The following SHROOM4 variants were observed in gnomAD, a reference collection of about 807,000 sequenced individuals.
SHROOM4 encodes the protein shroom family member 4.
In SHROOM4, 17 loss-of-function variants were observed where a neutral mutation model predicts 80.3. The observed-to-expected ratio is 0.21, with a 90% CI of 0.14 to 0.32. SHROOM4 has a LOEUF of 0.32. Ranked by LOEUF, SHROOM4 falls within the 10% of genes least tolerant of loss-of-function variation. The pLI, the probability that SHROOM4 is intolerant of heterozygous loss-of-function variation, is 1.00. For missense variants in SHROOM4, 993 were observed against 1,140.3 expected, an observed-to-expected ratio of 0.87 and a Z score of 1.86; for synonymous variants, 400 against 437.5, an observed-to-expected ratio of 0.91 and a Z score of 1.07.
At chrX:50,583,561 C>T (rs1171947249), downstream of SHROOM4, among the ~76,000 whole-genome samples, 1 of 111,750 alleles carries the variant, frequency 8.9e-6, no homozygotes, top group Non-Finnish European at 1.9e-5. Flanking sequence ...AGAGACTCTC[C>T]TTACTAGCTT....
chrX:50,583,322 G>A (rs782690728), downstream of SHROOM4, among the ~76,000 whole-genome samples: 1 of 110,514 alleles, frequency 9.0e-6, no homozygotes, highest in East Asian at 2.8e-4. Flanking sequence ...TGGCTAGTCA[G>A]TGACTTGCTT....
intron 1 of SHROOM4, among the ~76,000 whole-genome samples, chrX:50,755,145 T>C (rs782217817): frequency 4.7e-4 from 53 of 112,382 alleles, no homozygotes; most frequent in Admixed American, 1.3e-3. Context: ...TTGTATGGAT[T>C]AGGACTAAGC....
chrX:50,661,664 G>A (rs999578625), intron 2 of SHROOM4, among the ~76,000 whole-genome samples: 5 of 112,257 alleles, frequency 4.5e-5, no homozygotes, highest in African/African-American at 1.3e-4. Flanking sequence ...TTTAATTACT[G>A]TAATTTTATA....
rs1007363984 is a variant in SHROOM4 at position 50,590,421 on chromosome X, G to C, written c.*6274C>G. ...GCCACCATGCCCTGCTAATTTTTTTGTATTTTTTTTAGTAGAGATGGGGTT... is the reference window on the plus strand; with the variant it reads ...GCCACCATGCCCTGCTAATTTTTTTCTATTTTTTTTAGTAGAGATGGGGTT... On this transcript the variant is annotated 3_prime_UTR_variant, in exon 9 of 9. Coordinates refer to ENST00000376020, the MANE Select transcript of SHROOM4 (RefSeq NM_020717.5). Among the ~76,000 whole-genome samples, 4 of 110,837 alleles carry C rather than the reference G, an allele frequency of 3.6e-5. No individual in the cohort carries two copies. Among genetic ancestry groups the C allele is most frequent in the Admixed American group, 9.6e-5 (1 of 10,434 alleles).
At chrX:50,717,928 T>A (rs1557265037) in intron 1 of SHROOM4, among the ~76,000 whole-genome samples, 1 of 111,881 alleles carries the variant, frequency 8.9e-6, no homozygotes. Flanking sequence ...TTCCCTCCCT[T>A]CCAAGGACAC....
intron 1 of SHROOM4, among the ~76,000 whole-genome samples, chrX:50,701,676 A>G (rs1035386341): frequency 6.2e-5 from 7 of 112,085 alleles, no homozygotes; most frequent in African/African-American, 2.3e-4. Flanking sequence ...TAGATCATCC[A>G]TAAATAAAAT....
At chrX:50,618,924 T>C (rs1474573411) in intron 5 of SHROOM4, among the ~76,000 whole-genome samples, 1 of 111,948 alleles carries the variant, frequency 8.9e-6, no homozygotes, top group Non-Finnish European at 1.9e-5. Flanking sequence ...GTACTTGTGC[T>C]ACATTCATCC....
At chrX:50,693,320 A>C (rs1302632273) in intron 2 of SHROOM4, among the ~76,000 whole-genome samples, 3 of 110,928 alleles carry the variant, frequency 2.7e-5, no homozygotes, top group Admixed American at 1.9e-4. Flanking sequence ...TAATCCCAGC[A>C]CTTTGGGAGG....
At chrX:50,705,788 C>T (rs1015967705) in intron 1 of SHROOM4, among the ~76,000 whole-genome samples, 1 of 110,745 alleles carries the variant, frequency 9.0e-6, no homozygotes, top group East Asian at 2.9e-4. Flanking sequence ...CCCCCCTACT[C>T]CACACCCAGA....
intron 1 of SHROOM4, among the ~76,000 whole-genome samples, chrX:50,731,453 C>T (rs782491912): frequency 1.8e-5 from 2 of 111,909 alleles, no homozygotes; most frequent in Non-Finnish European, 3.8e-5. Context: ...CTGTCTGTGG[C>T]TGAGAATAAG....
chrX:50,664,163 C>T (rs1569547231), intron 2 of SHROOM4, among the ~76,000 whole-genome samples: 1 of 111,642 alleles, frequency 9.0e-6, no homozygotes, highest in Non-Finnish European at 1.9e-5. Flanking sequence ...TACTCTGAAA[C>T]CATAAAGAGA....
At position 50,717,449 on chromosome X, in the gene SHROOM4, T is replaced by C. The variant is rs1602458095; in HGVS notation, c.118-21512A>G. Among the ~76,000 whole-genome samples, 3 of 112,282 alleles carry C rather than the reference T, an allele frequency of 2.7e-5. No homozygotes were observed. In the Middle Eastern group the frequency reaches 0.014, roughly 515 times the overall value. ...GGCCAGGATGGTCTCGATCTATCTCTTGACCTCGTGATCTGCCCACCTCGG... is the reference window on the plus strand; with the variant it reads ...GGCCAGGATGGTCTCGATCTATCTCCTGACCTCGTGATCTGCCCACCTCGG... On this transcript the variant is annotated intron_variant, in intron 1 of 8. Coordinates refer to ENST00000376020, the MANE Select transcript of SHROOM4 (RefSeq NM_020717.5).
At chrX:50,679,360 C>A (rs1304501765) in intron 2 of SHROOM4, among the ~76,000 whole-genome samples, 2 of 112,005 alleles carry the variant, frequency 1.8e-5, no homozygotes, top group Non-Finnish European at 3.8e-5. Context: ...CTGCTCTGAT[C>A]TTCCCAAGGA....
chrX:50,754,874 G>C (rs1935005033), intron 1 of SHROOM4, among the ~76,000 whole-genome samples: 1 of 112,267 alleles, frequency 8.9e-6, no homozygotes, highest in South Asian at 3.7e-4. Context: ...ATGGTGCAAT[G>C]AAAGTAGCAT....
chrX:50,598,028 G>A (rs1223538845), intron 8 of SHROOM4, among the ~76,000 whole-genome samples: 3 of 110,529 alleles, frequency 2.7e-5, no homozygotes, highest in Non-Finnish European at 3.8e-5. Flanking sequence ...TAGTAGAGAT[G>A]GGGATTCACT....
chrX:50,749,165 T>G (rs1275342489), intron 1 of SHROOM4, among the ~76,000 whole-genome samples: 1 of 112,227 alleles, frequency 8.9e-6, no homozygotes, highest in East Asian at 2.8e-4. Context: ...TGAGCCGTGA[T>G]CACACCATTG....
At position 50,730,785 on chromosome X, in the gene SHROOM4, A is replaced by AG. The variant is rs200994677; in HGVS notation, c.118-34849_118-34848insC. ...GCAAGACTCCGTCTCAGAAAAAGAA[A>AG]AAAAAAAAAAATAACATTAACTACA... On this transcript the variant is annotated intron_variant, in intron 1 of 8. Coordinates refer to ENST00000376020, the MANE Select transcript of SHROOM4 (RefSeq NM_020717.5). Among the ~76,000 whole-genome samples, 366 of 106,442 alleles carry AG rather than the reference A, an allele frequency of 3.4e-3. 2 individuals carry two copies. Among genetic ancestry groups the AG allele is most frequent in the African/African-American group, 0.012 (355 of 28,884 alleles). The allele number at this position is 106,442 out of a possible 115,157, so 92.4% of individuals were successfully genotyped here.
intron 1 of SHROOM4, among the ~76,000 whole-genome samples, chrX:50,744,169 T>A (rs1221239671): frequency 8.9e-6 from 1 of 111,915 alleles, no homozygotes; most frequent in Non-Finnish European, 1.9e-5. Context: ...TTGGGGATTT[T>A]AAGCCATAAT....
chrX:50,607,534 G>A lies in SHROOM4; in HGVS notation c.3608C>T (p.Ala1203Val). ...GSRQGSQSVP[A>V]EQESFALHSS... ...ATGGAGTGCAAAGGATTCTTGCTCT[G>A]CTGGGACACTTTGTGAACCCTGTCT... Residue 1203 changes from alanine to valine, a missense_variant, in exon 6 of 9, where the codon GCA (alanine) becomes GTA (valine). By Grantham distance (64) the Ala-to-Val change is moderately conservative. Coordinates refer to ENST00000376020, the MANE Select transcript of SHROOM4 (RefSeq NM_020717.5). The A allele has an allele frequency of 8.3e-7, 1 of 1,211,453 alleles. No individual in the cohort carries two copies. The highest frequency in any genetic ancestry group is 1.1e-6 in the Non-Finnish European group (1 of 895,461).
Sources: allele counts gnomAD v4.1 joint callset (sites outside exome capture counted in the v4.1 genomes callset), GRCh38; gene constraint gnomAD v4.1.1; transcripts MANE v1.5; gene names NCBI Gene and HGNC (gene_info 2026-07-23, HGNC 2026-07-21).